Variants in GAL3ST4 observed in about 807,000 individuals in gnomAD.
GAL3ST4 encodes galactose-3-O-sulfotransferase 4.
GAL3ST4 carries 30 observed loss-of-function variants against 31.6 expected under a neutral mutation model. The observed-to-expected ratio is 0.95, with a 90% confidence interval of 0.71 to 1.29. GAL3ST4 has a LOEUF of 1.29. Ranked by LOEUF, GAL3ST4 falls within the 50% of genes most tolerant of loss-of-function variation. The pLI is 0.00. For synonymous variants in GAL3ST4, 248 were observed against 256.9 expected, an observed-to-expected ratio of 0.97 and a Z score of 0.33; for missense variants, 629 against 625.2, an observed-to-expected ratio of 1.01 and a Z score of -0.06.
chr7:100,160,923 A>G lies in GAL3ST4; in HGVS notation c.466T>C (p.Ser156Pro). The G allele has an allele frequency of 1.9e-6, 3 of 1,602,984 alleles. No individual in the cohort carries two copies. Among genetic ancestry groups the G allele is most frequent in the Non-Finnish European group, 2.6e-6 (3 of 1,175,820 alleles). The change falls in exon 4 of 4, where the codon TCC (serine) becomes CCC (proline). Residue 156 changes from serine (S) to proline (P), a missense_variant. Transcript: ENST00000360039. ...AGAGCCGCTGGGTCTCGGACAATGGAAAAAAAGAAGCTGTCAGAAGGCATG... is the reference window on the plus strand; with the variant it reads ...AGAGCCGCTGGGTCTCGGACAATGGGAAAAAAGAAGCTGTCAGAAGGCATG... ...QVMPSDSFFFSIVRDPAALAR... is the reference protein window; with the variant it reads ...QVMPSDSFFFPIVRDPAALAR...
chr7:100,159,864 C>T lies in GAL3ST4; in HGVS notation c.*64G>A, dbSNP rs1798966585. 7.4e-6 allele frequency: 10 copies of T among 1,346,518 alleles called. No homozygotes were observed. The highest frequency in any genetic ancestry group is 1.4e-5 in the South Asian group (1 of 73,706). 83.4% of individuals were successfully genotyped at this position (1,346,518 alleles called of 1,614,324 possible). A position where few individuals can be genotyped will look rare whatever the true frequency, so the allele number is the denominator to read the frequency against. On this transcript the variant is annotated 3_prime_UTR_variant, in exon 4 of 4. Coordinates refer to ENST00000360039, the MANE Select transcript of GAL3ST4 (RefSeq NM_024637.5). ...GATGCAGAAATGGCATCTTGCTGCC[C>T]CCCACTCATCACATGTGCCCTTCAA... is the stretch of plus-strand genomic sequence containing the variant.
rs531238085 is a variant in GAL3ST4 at position 100,166,667 on chromosome 7, G to A, written c.264C>T (p.Arg88=). The change falls in exon 3 of 4, where the codon CGC becomes CGT. Residue 88 remains arginine, a synonymous_variant. Coordinates refer to ENST00000360039, the MANE Select transcript of GAL3ST4 (RefSeq NM_024637.5). The part of the protein sequence containing the change: ...GSSSVLSLLH[R]YGDQHGLRFA... ...AGCGCAGCCCGTGCTGGTCCCCATA[G>A]CGGTGAAGCAGGCTCAGCACAGAGC... is the stretch of plus-strand genomic sequence containing the variant. 3.4e-5 allele frequency: 55 copies of A among 1,614,116 alleles called. No homozygotes were observed. The highest frequency in any genetic ancestry group is 4.3e-5 in the Non-Finnish European group (51 of 1,180,058).
intron 3 of GAL3ST4, among the ~76,000 whole-genome samples, chr7:100,163,436 T>C (rs533441040): frequency 6.6e-6 from 1 of 151,664 alleles, no homozygotes; most frequent in Admixed American, 6.6e-5. Context: ...CAATCGGCTC[T>C]GCAAGTATGG....
In GAL3ST4 at chr7:100,167,203, C is replaced by T. The variant is rs1480654452; in HGVS notation, c.-108G>A. On this transcript the variant is annotated 5_prime_UTR_variant, in exon 2 of 4. Coordinates refer to ENST00000360039, the MANE Select transcript of GAL3ST4 (RefSeq NM_024637.5). Reference sequence around the variant, plus strand: ...GCTGCGGAAGGCACTGGTTGGAGATCGGGGGGTCATTCCCCAGGCCTGCTC... The same window carrying T: ...GCTGCGGAAGGCACTGGTTGGAGATTGGGGGGTCATTCCCCAGGCCTGCTC... 31 of 1,544,728 alleles carry T rather than the reference C, an allele frequency of 2.0e-5. No homozygotes were observed. The East Asian group carries it at 3.9e-4, about 20-fold the overall frequency.
At chr7:100,161,030 A>G in intron 3 of GAL3ST4, 71 bp from the exon 4 acceptor site, 1 of 1,339,166 alleles carries the variant, frequency 7.5e-7, no homozygotes, top group East Asian at 2.4e-5. Context: ...TGCACAAGCC[A>G]TGTGTCCGCT....
At chr7:100,161,419 C>T (rs1285829946) in intron 3 of GAL3ST4, among the ~76,000 whole-genome samples, 7 of 151,932 alleles carry the variant, frequency 4.6e-5, no homozygotes, top group Admixed American at 1.3e-4. Context: ...GAGGCCGAGG[C>T]GGGCGGATTA....
rs1798967415 is a variant in GAL3ST4, at chr7:100,159,921, CTGA to C, written c.*4_*6del. 3 of 1,587,194 alleles carry C rather than the reference CTGA, an allele frequency of 1.9e-6. No homozygotes were observed. Among genetic ancestry groups the C allele is most frequent in the Non-Finnish European group, 2.6e-6 (3 of 1,165,344 alleles). The stretch of plus-strand genomic sequence containing the variant: ...CTGCTCTTCCACCTAAATCTGTAGT[CTGA>C]TGTTTATGGGGAGAGTGGCCTTGAA... On this transcript the variant is annotated 3_prime_UTR_variant, in exon 4 of 4. Coordinates refer to ENST00000360039, the MANE Select transcript of GAL3ST4 (RefSeq NM_024637.5).
rs776603412 is a variant in GAL3ST4, at chr7:100,159,981, A to T, written c.1408T>A (p.Phe470Ile). The stretch of plus-strand genomic sequence containing the variant: ...AGGGGCAGTGAGACGGTAGGGGGGA[A>T]CTGCTTGGCATCCAGCTTGTCCTTG... ...QYKDKLDAKQ[F>I]PPTVSLPLKT... Residue 470 changes from phenylalanine (F) to isoleucine (I), a missense_variant, in exon 4 of 4, where the codon TTC becomes ATC. Transcript: ENST00000360039. The T allele has an allele frequency of 1.1e-5, 17 of 1,613,616 alleles. No homozygotes were observed. Among genetic ancestry groups the T allele is most frequent in the East Asian group, 4.5e-5 (2 of 44,892 alleles).
intron 3 of GAL3ST4, among the ~76,000 whole-genome samples, chr7:100,163,174 A>G (rs1799028301): frequency 6.6e-6 from 1 of 152,120 alleles, no homozygotes; most frequent in Non-Finnish European, 1.5e-5. Context: ...TGGGCATCCT[A>G]GAGGGCAAAA....
intron 3 of GAL3ST4, 109 bp downstream of exon 3, chr7:100,166,393 T>C (rs1799073198): frequency 1.7e-6 from 2 of 1,199,034 alleles, no homozygotes; most frequent in Admixed American, 2.3e-5. Context: ...TGTCCAACTT[T>C]AGGGTGAGAT....
rs1798984463 is a variant in GAL3ST4, at chr7:100,160,586, T to C, written c.803A>G (p.Asp268Gly). 6.2e-7 allele frequency: 1 copy of C among 1,613,528 alleles called. No individual in the cohort carries two copies. Among genetic ancestry groups the C allele is most frequent in the Admixed American group, 1.7e-5 (1 of 59,988 alleles). Residue 268 changes from aspartate to glycine, a missense_variant, in exon 4 of 4, where the codon GAT (aspartate) becomes GGT (glycine). Transcript: ENST00000360039. ...AGGGCTTGATATCTGGCTGCGATGA[T>C]CAGTAACAGTGGAAACAGGATGGAT... The part of the protein sequence containing the change: ...ALIHPVSTVT[D>G]HRSQISSPAS...
At position 100,160,137 on chromosome 7, in the gene GAL3ST4, A is replaced by G. The variant is rs1405949341; in HGVS notation, c.1252T>C (p.Tyr418His). Residue 418 changes from tyrosine to histidine, a missense_variant, in exon 4 of 4, where the codon TAC becomes CAC. Physicochemically the swap from Tyr to His is moderately conservative, Grantham distance 83. Coordinates refer to ENST00000360039, the MANE Select transcript of GAL3ST4 (RefSeq NM_024637.5). ...LVGGEASDPK[Y>H]ITDRRFRPFQ... ...GGGCGGAACCGGCGATCAGTGATGT[A>G]TTTGGGGTCAGAAGCCTCACCCCCT... The G allele has an allele frequency of 7.4e-6, 12 of 1,613,748 alleles. No homozygotes were observed. The highest frequency in any genetic ancestry group is 1.0e-5 in the Non-Finnish European group (12 of 1,179,854).
chr7:100,165,816 G>A (rs1918352), intron 3 of GAL3ST4, among the ~76,000 whole-genome samples: 76,068 of 141,314 alleles, frequency 0.54, 20,216 homozygotes, highest in East Asian at 0.65. Context: ...ATGAGACCCT[G>A]TCTCACACAC....
Position 100,160,951 on chromosome 7 carries a change from C to G in GAL3ST4, c.438G>C (p.Gln146His), listed in dbSNP as rs767788924. The G allele has an allele frequency of 1.1e-5, 18 of 1,590,870 alleles. No homozygotes were observed. The highest frequency in any genetic ancestry group is 1.5e-5 in the Non-Finnish European group (17 of 1,170,260). ...HMRFNLKEVL[Q>H]VMPSDSFFFS... Reference sequence around the variant, plus strand: ...AAAAGAAGCTGTCAGAAGGCATGACCTGAAGTACCTGCAGAGGAGGGAAGA... The same window carrying G: ...AAAAGAAGCTGTCAGAAGGCATGACGTGAAGTACCTGCAGAGGAGGGAAGA... The change falls in exon 4 of 4, where the codon CAG (glutamine) becomes CAC (histidine). Residue 146 changes from glutamine to histidine, a missense_variant. Physicochemically the swap from Gln to His is conservative, Grantham distance 24. Transcript: ENST00000360039.
Position 100,159,742 on chromosome 7 carries a change from A to T in GAL3ST4, c.*186T>A. Reference sequence around the variant, plus strand: ...TTCAAAAAAAAAAAAAGTTGGGGGGAAAGAACAAAATGAGTGGAGGGTGGA... The same window carrying T: ...TTCAAAAAAAAAAAAAGTTGGGGGGTAAGAACAAAATGAGTGGAGGGTGGA... On this transcript the variant is annotated 3_prime_UTR_variant, in exon 4 of 4. Coordinates refer to ENST00000360039, the MANE Select transcript of GAL3ST4 (RefSeq NM_024637.5). 1.8e-6 allele frequency: 1 copy of T among 545,916 alleles called. No individual in the cohort carries two copies. Among genetic ancestry groups the T allele is most frequent in the Non-Finnish European group, 3.2e-6 (1 of 316,266 alleles). 33.8% of individuals were successfully genotyped at this position (545,916 alleles called of 1,614,324 possible).
At position 100,159,983 on chromosome 7, in the gene GAL3ST4, T is replaced by A. The variant is rs1418100557; in HGVS notation, c.1406A>T (p.Gln469Leu). The change falls in exon 4 of 4, where the codon CAG becomes CTG. Residue 469 changes from glutamine to leucine, a missense_variant. Coordinates refer to ENST00000360039, the MANE Select transcript of GAL3ST4 (RefSeq NM_024637.5). Reference protein sequence around the residue: ...LQYKDKLDAKQFPPTVSLPLK... With the variant: ...LQYKDKLDAKLFPPTVSLPLK... ...GGGCAGTGAGACGGTAGGGGGGAAC[T>A]GCTTGGCATCCAGCTTGTCCTTGTA... The A allele has an allele frequency of 6.2e-7, 1 of 1,613,856 alleles. No individual in the cohort carries two copies. Among genetic ancestry groups the A allele is most frequent in the Non-Finnish European group, 8.5e-7 (1 of 1,179,870 alleles).
Position 100,159,256 on chromosome 7 carries a change from T to A in GAL3ST4, c.*672A>T, listed in dbSNP as rs1473403718. ...CATAAATCAAGTAGAAGTTTCAAAT[T>A]ATTTATTCATTCAACAAACATGTCA... On this transcript the variant is annotated 3_prime_UTR_variant, in exon 4 of 4. Coordinates refer to ENST00000360039, the MANE Select transcript of GAL3ST4 (RefSeq NM_024637.5). The A allele has an allele frequency of 6.6e-6, 1 of 152,262 alleles. No individual in the cohort carries two copies. The highest frequency in any genetic ancestry group is 1.9e-4 in the East Asian group (1 of 5,182). 9.4% of individuals were successfully genotyped at this position (152,262 alleles called of 1,614,324 possible).
At chr7:100,165,655 AAAAAT>A (rs1051923124) in intron 3 of GAL3ST4, among the ~76,000 whole-genome samples, 8 of 151,812 alleles carry the variant, frequency 5.3e-5, no homozygotes, top group African/African-American at 9.7e-5. Context: ...CATCTCTACA[AAAAAT>A]AAAATAAAAA....
intron 3 of GAL3ST4, among the ~76,000 whole-genome samples, chr7:100,161,170 T>C (rs1343283402): frequency 6.6e-6 from 1 of 152,204 alleles, no homozygotes; most frequent in Non-Finnish European, 1.5e-5. Context: ...ATAATCATAC[T>C]TTCTCAAGTG....
Sources: allele counts gnomAD v4.1 joint callset (sites outside exome capture counted in the v4.1 genomes callset), GRCh38; gene constraint gnomAD v4.1.1; transcripts MANE v1.5; gene names NCBI Gene and HGNC (gene_info 2026-07-23, HGNC 2026-07-21).